The following COL19A1 variants were observed in gnomAD, a reference collection of about 807,000 sequenced individuals.
COL19A1 encodes collagen type XIX alpha 1 chain.
In COL19A1, 159 loss-of-function variants were observed where a neutral mutation model predicts 190.2. The observed-to-expected ratio is 0.84, with a 90% CI of 0.73 to 0.95. COL19A1 has a LOEUF of 0.95. Among genes scored for constraint, COL19A1 ranks in the 40% least tolerant of loss-of-function variants. The probability of loss-of-function intolerance (pLI) is 0.00; values close to 1 mark genes in which losing one functional copy is unlikely to be tolerated. For synonymous variants in COL19A1, 509 were observed against 458.9 expected (o/e 1.11, Z -1.39); for missense variants, 1,418 against 1,431.9 (o/e 0.99, Z 0.16).
chr6:70,104,767 C>T (rs1783851131), intron 16 of COL19A1, among the ~76,000 whole-genome samples: 1 of 152,158 alleles, frequency 6.6e-6, no homozygotes, highest in South Asian at 2.1e-4. Context: ...TTTTCTAAAC[C>T]TATGATGCTG....
intron 36 of COL19A1, among the ~76,000 whole-genome samples, chr6:70,165,368 A>G (rs1765084629): frequency 6.6e-6 from 1 of 152,226 alleles, no homozygotes; most frequent in Admixed American, 6.5e-5. Context: ...ACAGTACTAT[A>G]CCACAGTTGC....
At chr6:70,121,418 T>G (rs1038495477) in intron 16 of COL19A1, among the ~76,000 whole-genome samples, 1 of 152,332 alleles carries the variant, frequency 6.6e-6, no homozygotes, top group Non-Finnish European at 1.5e-5. Context: ...GCATCCCATT[T>G]TCTTACAACT....
At chr6:69,878,842 T>C (rs887703228) in intron 1 of COL19A1, among the ~76,000 whole-genome samples, 6 of 152,174 alleles carry the variant, frequency 3.9e-5, no homozygotes, top group Non-Finnish European at 2.9e-5. Flanking sequence ...ATGTGGTATA[T>C]ACATACAATG....
chr6:70,201,452 T>A (rs1396777205), intron 49 of COL19A1, among the ~76,000 whole-genome samples: 2 of 152,250 alleles, frequency 1.3e-5, no homozygotes, highest in Non-Finnish European at 1.5e-5. Flanking sequence ...TCTGCTCTTG[T>A]GCCTCAAAGA....
rs765948304 is a variant in COL19A1, at chr6:70,188,221, C to T, written c.3003C>T (p.Gly1001=). ...MGSPGHQGPP[G]SPGIPGIPAD... is the part of the protein sequence containing the mutation. Reference sequence around the variant, plus strand: ...CCCCTGGCCACCAAGGCCCTCCAGGCTCTCCAGGCATCCCTGGCATTCCGG... The same window carrying T: ...CCCCTGGCCACCAAGGCCCTCCAGGTTCTCCAGGCATCCCTGGCATTCCGG... Residue 1001 remains glycine (G), a synonymous_variant, in exon 47 of 51, where the codon GGC becomes GGT. Transcript: ENST00000620364. 4 of 1,611,322 alleles carry T rather than the reference C, an allele frequency of 2.5e-6. No homozygotes were observed. The highest frequency in any genetic ancestry group is 3.4e-6 in the Non-Finnish European group (4 of 1,179,128).
At chr6:70,162,247 T>A (rs928501943) in intron 35 of COL19A1, among the ~76,000 whole-genome samples, 4 of 152,162 alleles carry the variant, frequency 2.6e-5, no homozygotes, top group Non-Finnish European at 5.9e-5. Context: ...TTTTTATTTA[T>A]AATTTTTTGG....
chr6:70,187,904 A>C (rs888974199), intron 46 of COL19A1, among the ~76,000 whole-genome samples, 171 bp from the exon 47 acceptor site: 8 of 152,178 alleles, frequency 5.3e-5, no homozygotes, highest in African/African-American at 1.9e-4. Context: ...TATCTAATGG[A>C]TACTATTAAT....
chr6:70,060,497 C>G (rs985175282), intron 14 of COL19A1, among the ~76,000 whole-genome samples: 1 of 152,092 alleles, frequency 6.6e-6, no homozygotes, highest in Non-Finnish European at 1.5e-5. Flanking sequence ...TCTACAGCCA[C>G]TCCCCATTGC....
At chr6:69,988,275 T>A (rs1262660471) in intron 11 of COL19A1, among the ~76,000 whole-genome samples, 2 of 152,174 alleles carry the variant, frequency 1.3e-5, no homozygotes, top group African/African-American at 2.4e-5. Context: ...TCACTAGATT[T>A]GACTATAAAT....
At position 70,089,821 on chromosome 6, in the gene COL19A1, T is replaced by G. The variant is rs193046408; in HGVS notation, c.1225-12348T>G. 1.1e-4 allele frequency among the ~76,000 whole-genome samples: 16 copies of G among 152,290 alleles called. No homozygotes were observed. The East Asian group carries it at 3.1e-3, about 29-fold the overall frequency. The stretch of plus-strand genomic sequence containing the variant: ...ACTTACACAATGCAGCTTTCTCTGT[T>G]TTCAAAACTATAGTTTATAATGAAG... On this transcript the variant is annotated intron_variant, in intron 15 of 50. Coordinates refer to ENST00000620364, the MANE Select transcript of COL19A1 (RefSeq NM_001858.6).
At chr6:69,913,535 T>A (rs975019704) in intron 4 of COL19A1, among the ~76,000 whole-genome samples, 1 of 152,136 alleles carries the variant, frequency 6.6e-6, no homozygotes, top group Non-Finnish European at 1.5e-5. Flanking sequence ...AAGTGTGAAT[T>A]TACCAGGTGA....
intron 12 of COL19A1, 51 bp from the exon 13 acceptor site, chr6:70,034,194 T>C (rs1182656598): frequency 1.6e-6 from 2 of 1,271,340 alleles, no homozygotes; most frequent in Non-Finnish European, 2.3e-6. Context: ...AATGACTTGT[T>C]AGAAATTAAA....
chr6:70,187,938 G>A (rs1329953850), intron 46 of COL19A1, 137 bp from the exon 47 acceptor site: 1 of 969,452 alleles, frequency 1.0e-6, no homozygotes, highest in African/African-American at 1.7e-5. Context: ...AGGAGAGGAG[G>A]CTAGGACACA....
At chr6:70,097,517 C>CAAAA (rs200659215) in intron 15 of COL19A1, among the ~76,000 whole-genome samples, 1 of 139,650 alleles carries the variant, frequency 7.2e-6, no homozygotes, top group Non-Finnish European at 1.6e-5. Context: ...GATCCTGTCT[C>CAAAA]AAAAAAAAAA....
chr6:70,150,643 A>G (rs561232617), intron 30 of COL19A1, among the ~76,000 whole-genome samples: 2 of 152,292 alleles, frequency 1.3e-5, no homozygotes, highest in African/African-American at 2.4e-5. Flanking sequence ...ACATTGTATT[A>G]AGAGTCTTGT....
At chr6:69,963,846 ATACT>A (rs1774939682) in intron 11 of COL19A1, among the ~76,000 whole-genome samples, 1 of 152,222 alleles carries the variant, frequency 6.6e-6, no homozygotes, top group Admixed American at 6.5e-5. Context: ...GATAGTGAAA[ATACT>A]TAAGCAATCA....
intron 49 of COL19A1, among the ~76,000 whole-genome samples, chr6:70,201,488 T>C (rs536073948): frequency 1.3e-5 from 2 of 152,350 alleles, no homozygotes; most frequent in South Asian, 4.1e-4. Flanking sequence ...CTACTCCTGA[T>C]AGGGCTTCTG....
intron 11 of COL19A1, among the ~76,000 whole-genome samples, chr6:70,003,176 T>C (rs1016900572): frequency 1.3e-5 from 2 of 152,220 alleles, no homozygotes; most frequent in Non-Finnish European, 2.9e-5. Context: ...TCAATTTCCA[T>C]GTAATTGTGT....
chr6:70,109,641 A>G (rs879735254), intron 16 of COL19A1, among the ~76,000 whole-genome samples: 37 of 151,986 alleles, frequency 2.4e-4, no homozygotes, highest in Non-Finnish European at 4.0e-4. Flanking sequence ...TGATTCAAAT[A>G]AATTATTCTG....
Sources: gnomAD v4.1 joint callset for allele counts (sites outside exome capture counted in the v4.1 genomes callset) on GRCh38, gnomAD v4.1.1 for gene constraint, MANE v1.5 for transcripts, NCBI Gene and HGNC (gene_info 2026-07-23, HGNC 2026-07-21) for gene names.